Variants in IQSEC1 observed in about 807,000 individuals in gnomAD.
IQSEC1 encodes IQ motif and SEC7 domain-containing protein 1.
IQSEC1 carries 31 observed loss-of-function variants against 91.0 expected under a neutral mutation model. That is an observed-to-expected ratio of 0.34 (90% confidence interval 0.26 to 0.46). IQSEC1 has a LOEUF of 0.46. IQSEC1 is among the 20% of genes least tolerant of loss of function. The probability of loss-of-function intolerance (pLI) is 1.00; values close to 1 mark genes in which losing one functional copy is unlikely to be tolerated. For missense variants in IQSEC1, 1,388 were observed against 1,575.6 expected (o/e 0.88, Z 2.02); for synonymous variants, 699 against 662.6 (o/e 1.05, Z -0.84).
intron 12 of IQSEC1, among the ~76,000 whole-genome samples, chr3:12,905,023 C>G (rs1190319210): frequency 6.6e-6 from 1 of 152,230 alleles, no homozygotes; most frequent in Non-Finnish European, 1.5e-5. Flanking sequence ...GACCCCAGGG[C>G]TCCCTCTGTG....
intron 1 of IQSEC1, among the ~76,000 whole-genome samples, chr3:13,255,410 C>T (rs570863658): frequency 5.3e-5 from 8 of 152,212 alleles, no homozygotes; most frequent in South Asian, 2.1e-4. Flanking sequence ...ACACGCAGGG[C>T]CTATGCTTGT....
At chr3:13,133,857 T>C (rs1706664095) in intron 2 of IQSEC1, among the ~76,000 whole-genome samples, 1 of 152,072 alleles carries the variant, frequency 6.6e-6, no homozygotes, top group Non-Finnish European at 1.5e-5. Context: ...CTCCGAGACC[T>C]CCATAGGACA....
At chr3:12,952,294 C>A (rs1262722973) in intron 1 of IQSEC1, among the ~76,000 whole-genome samples, 1 of 152,160 alleles carries the variant, frequency 6.6e-6, no homozygotes, top group East Asian at 1.9e-4. Flanking sequence ...CAGGCCAGCT[C>A]CCCACAGCCT....
chr3:13,001,421 G>A (rs1001013058), intron 1 of IQSEC1, among the ~76,000 whole-genome samples: 1 of 152,154 alleles, frequency 6.6e-6, no homozygotes, highest in African/African-American at 2.4e-5. Context: ...GAACTGATGG[G>A]CCTCTAAGAA....
At chr3:13,253,519 C>G (rs17037981) in intron 1 of IQSEC1, among the ~76,000 whole-genome samples, 3,493 of 152,314 alleles carry the variant, frequency 0.023, 52 homozygotes, top group South Asian at 0.063. Flanking sequence ...ACTCTGCTTT[C>G]AACTCATTTC....
At chr3:13,144,999 G>A (rs1237707825) in intron 2 of IQSEC1, among the ~76,000 whole-genome samples, 2 of 152,188 alleles carry the variant, frequency 1.3e-5, no homozygotes, top group Admixed American at 1.3e-4. Flanking sequence ...CCAGTCCCGG[G>A]AGTGTTCACA....
chr3:13,156,425 G>A (rs1245379028), intron 2 of IQSEC1, among the ~76,000 whole-genome samples: 1 of 152,144 alleles, frequency 6.6e-6, no homozygotes, highest in African/African-American at 2.4e-5. Context: ...TGTCATTTGG[G>A]CTCAACATAG....
intron 1 of IQSEC1, among the ~76,000 whole-genome samples, chr3:13,017,528 G>A (rs187439061): frequency 4.6e-5 from 7 of 152,268 alleles, no homozygotes; most frequent in East Asian, 3.9e-4. Context: ...CCACAACTCC[G>A]GTGAGGAAAC....
At chr3:13,137,257 A>G (rs1706726348) in intron 2 of IQSEC1, among the ~76,000 whole-genome samples, 1 of 152,256 alleles carries the variant, frequency 6.6e-6, no homozygotes, top group South Asian at 2.1e-4. Context: ...AGCATTGTTA[A>G]TAATAGAAAA....
intron 1 of IQSEC1, among the ~76,000 whole-genome samples, chr3:13,277,286 C>G (rs532272330): frequency 6.6e-6 from 1 of 152,022 alleles, no homozygotes; most frequent in Admixed American, 6.6e-5. Flanking sequence ...CCCTCTCACT[C>G]CCCCCGGCAC....
intron 1 of IQSEC1, among the ~76,000 whole-genome samples, chr3:13,188,163 C>T (rs1693965215): frequency 6.6e-6 from 1 of 152,234 alleles, no homozygotes; most frequent in Non-Finnish European, 1.5e-5. Context: ...AGTTGTCCCT[C>T]CTTTCATGCC....
At chr3:12,946,771 A>G (rs1256864974) in intron 1 of IQSEC1, among the ~76,000 whole-genome samples, 3 of 152,242 alleles carry the variant, frequency 2.0e-5, no homozygotes, top group African/African-American at 4.8e-5. Flanking sequence ...ATGAATAAAA[A>G]GCCAGGAGCA....
At chr3:13,050,866 A>AT (rs1273269872) in intron 1 of IQSEC1, among the ~76,000 whole-genome samples, 6 of 152,266 alleles carry the variant, frequency 3.9e-5, no homozygotes, top group South Asian at 2.1e-4. Context: ...TTAATGTGTG[A>AT]TACCAACAAA....
intron 1 of IQSEC1, among the ~76,000 whole-genome samples, chr3:13,027,754 CG>C (rs1559728792): frequency 6.6e-6 from 1 of 152,074 alleles, no homozygotes; most frequent in Non-Finnish European, 1.5e-5. Context: ...CAAGGCAGAA[CG>C]GGGGGACTCC....
chr3:13,050,751 C>A (rs1408441796), intron 1 of IQSEC1, among the ~76,000 whole-genome samples: 1 of 152,120 alleles, frequency 6.6e-6, no homozygotes, highest in Non-Finnish European at 1.5e-5. Context: ...TAAAACAGTG[C>A]CAAGAACAGA....
chr3:13,004,370 T>C (rs1445190824), intron 1 of IQSEC1, among the ~76,000 whole-genome samples: 2 of 152,186 alleles, frequency 1.3e-5, no homozygotes, highest in African/African-American at 2.4e-5. Context: ...ATCCCTGCCC[T>C]CAGGTGTTGA....
chr3:13,098,462 G>A (rs142139691), intron 2 of IQSEC1, among the ~76,000 whole-genome samples: 41 of 152,230 alleles, frequency 2.7e-4, no homozygotes, highest in Non-Finnish European at 4.3e-4. Context: ...GAAAGGGAAC[G>A]GTCTACAAAG....
intron 2 of IQSEC1, among the ~76,000 whole-genome samples, chr3:13,117,304 C>T (rs559316427): frequency 1.6e-5 from 2 of 123,398 alleles, no homozygotes; most frequent in East Asian, 2.4e-4. Flanking sequence ...AAAAAAAAAA[C>T]GGCCAGATGC....
Position 13,047,529 on chromosome 3 carries a change from T to C in IQSEC1, c.23+25463A>G, listed in dbSNP as rs565417403. The C allele has an allele frequency of 1.3e-3, 1,245 of 985,024 alleles. 2 individuals are homozygous for C. Among genetic ancestry groups the C allele is most frequent in the Admixed American group, 1.5e-3 (24 of 16,268 alleles). The allele number at this position is 985,024 out of a possible 1,614,324, so 61.0% of individuals were successfully genotyped here. ...TCCGGTGTCCAGGGAGCTCCTGAGGTGGCAAAAGCGAGACAGGGTTACTTA... is the reference window on the plus strand; with the variant it reads ...TCCGGTGTCCAGGGAGCTCCTGAGGCGGCAAAAGCGAGACAGGGTTACTTA... On this transcript the variant is annotated intron_variant, in intron 1 of 13. Transcript: ENST00000613206.
Sources: allele counts gnomAD v4.1 joint callset (sites outside exome capture counted in the v4.1 genomes callset), GRCh38; gene constraint gnomAD v4.1.1; transcripts MANE v1.5; gene names NCBI Gene and HGNC (gene_info 2026-07-23, HGNC 2026-07-21).